MARK3: variants seen among roughly 807,000 people sequenced by gnomAD.
The protein encoded by MARK3 is MAP/microtubule affinity-regulating kinase 3.
In MARK3, 46 loss-of-function variants were observed where a neutral mutation model predicts 90.1. The observed-to-expected ratio is 0.51, with a 90% confidence interval of 0.40 to 0.65. The LOEUF is 0.65. Ranked by LOEUF, MARK3 falls within the 30% of genes least tolerant of loss-of-function variation. The pLI, the probability that MARK3 is intolerant of heterozygous loss-of-function variation, is 0.00. For missense variants in MARK3, 818 were observed against 947.2 expected (o/e 0.86, Z 1.79); for synonymous variants, 321 against 332.6 (o/e 0.97, Z 0.38).
In MARK3 at chr14:103,451,995, T is replaced by G. The variant is rs1280229326; in HGVS notation, c.412+12T>G. On this transcript the variant is annotated intron_variant, in intron 5 of 17. Transcript: ENST00000429436. ...ATATGCAAGTGGAGGTAAGAACATT[T>G]TTATATATATTGGGTTTTTTTTCTT... 3.8e-6 allele frequency: 6 copies of G among 1,579,260 alleles called. No individual in the cohort carries two copies. The highest frequency in any genetic ancestry group is 5.2e-6 in the Non-Finnish European group (6 of 1,151,756).
At chr14:103,465,118 C>A (rs1174847846) in intron 7 of MARK3, among the ~76,000 whole-genome samples, 2 of 152,082 alleles carry the variant, frequency 1.3e-5, no homozygotes, top group African/African-American at 4.8e-5. Context: ...CAGGTGTGTA[C>A]CACCACACCC....
At chr14:103,473,760 T>G (rs1045656590) in intron 12 of MARK3, among the ~76,000 whole-genome samples, 3 of 152,180 alleles carry the variant, frequency 2.0e-5, no homozygotes, top group African/African-American at 4.8e-5. Context: ...GTTCTCACTC[T>G]GTCACCCAAG....
chr14:103,468,449 T>C lies in MARK3; in HGVS notation c.1264+263T>C, dbSNP rs1389260366. Among the ~76,000 whole-genome samples, 6 of 149,418 alleles carry C rather than the reference T, an allele frequency of 4.0e-5. No individual in the cohort carries two copies. The East Asian group carries it at 1.2e-3, about 30-fold the overall frequency. ...AAGCGATTCTCCTGCCTCAGCCTCCTGAATAGCTGGGACTACAGGTGTGTA... is the reference window on the plus strand; with the variant it reads ...AAGCGATTCTCCTGCCTCAGCCTCCCGAATAGCTGGGACTACAGGTGTGTA... On this transcript the variant is annotated intron_variant, in intron 12 of 17. Coordinates refer to ENST00000429436, the MANE Select transcript of MARK3 (RefSeq NM_001128918.3).
intron 3 of MARK3, among the ~76,000 whole-genome samples, chr14:103,433,028 A>G (rs1348999619): frequency 6.6e-6 from 1 of 151,936 alleles, no homozygotes; most frequent in Non-Finnish European, 1.5e-5. Context: ...TTCTGTAAGG[A>G]TTAAAGCAGT....
intron 1 of MARK3, among the ~76,000 whole-genome samples, chr14:103,400,039 A>G (rs560804794): frequency 1.8e-4 from 27 of 151,496 alleles, no homozygotes; most frequent in African/African-American, 6.5e-4. Context: ...AGCGATTCTC[A>G]TGCCTCAGTC....
At chr14:103,465,088 C>T (rs1015862715) in intron 7 of MARK3, among the ~76,000 whole-genome samples, 1 of 152,166 alleles carries the variant, frequency 6.6e-6, no homozygotes, top group Admixed American at 6.5e-5. Flanking sequence ...CTGCCTCAGC[C>T]TCCTGAGTAG....
chr14:103,448,402 T>A (rs2093048451), intron 3 of MARK3, among the ~76,000 whole-genome samples: 1 of 152,184 alleles, frequency 6.6e-6, no homozygotes, highest in Non-Finnish European at 1.5e-5. Flanking sequence ...AATGTAATAG[T>A]CACCACAACC....
intron 13 of MARK3, 65 bp downstream of exon 13, chr14:103,475,275 T>A: frequency 7.3e-7 from 1 of 1,375,146 alleles, no homozygotes; most frequent in Non-Finnish European, 1.0e-6. Flanking sequence ...AGACACCAGG[T>A]GTTCATTTTA....
intron 2 of MARK3, chr14:103,412,517 TGGG>T (rs1566794480): frequency 1.9e-6 from 1 of 530,366 alleles, no homozygotes; most frequent in Admixed American, 2.9e-5. Flanking sequence ...AGTGTCCACT[TGGG>T]GGGATATCCG....
In MARK3 at chr14:103,475,018, G is replaced by A; in HGVS notation, c.1290G>A (p.Val430=). ...CTGGACCAGCTATTCCTTCTGTTGT[G>A]GCGTATCCGAAAAGGAGTCAGACCA... is the stretch of plus-strand genomic sequence containing the variant. ...DHAGPAIPSV[V]AYPKRSQTST... Residue 430 remains valine (V), a synonymous_variant, in exon 13 of 18, where the codon GTG becomes GTA. Transcript: ENST00000429436. 1.2e-6 allele frequency: 2 copies of A among 1,613,944 alleles called. No homozygotes were observed. The highest frequency in any genetic ancestry group is 1.7e-6 in the Non-Finnish European group (2 of 1,179,842).
intron 15 of MARK3, among the ~76,000 whole-genome samples, chr14:103,494,883 G>A (rs941748489): frequency 6.6e-6 from 1 of 151,992 alleles, no homozygotes; most frequent in Admixed American, 6.6e-5. Context: ...GTGATCCACC[G>A]CGCCCAGCCA....
intron 3 of MARK3, among the ~76,000 whole-genome samples, chr14:103,439,553 C>T (rs1055901851): frequency 2.6e-5 from 4 of 151,988 alleles, no homozygotes; most frequent in Non-Finnish European, 4.4e-5. Flanking sequence ...GGATTACAGG[C>T]GTGCGCCACC....
chr14:103,497,344 A>T (rs1279134003), intron 15 of MARK3, among the ~76,000 whole-genome samples: 1 of 152,256 alleles, frequency 6.6e-6, no homozygotes, highest in Non-Finnish European at 1.5e-5. Flanking sequence ...CATTCAGCAG[A>T]TATAGATGAC....
rs1429039502 is a variant in MARK3 at position 103,385,485 on chromosome 14, A to C, written c.-545A>C. 1 of 154,548 alleles carries C rather than the reference A, an allele frequency of 6.5e-6. No individual in the cohort carries two copies. Among genetic ancestry groups the C allele is most frequent in the Admixed American group, 6.5e-5 (1 of 15,290 alleles). 9.6% of individuals were successfully genotyped at this position (154,548 alleles called of 1,614,324 possible). On this transcript the variant is annotated 5_prime_UTR_variant, in exon 1 of 18. Transcript: ENST00000429436. ...CGGCCAGCAGGGCGGAGGCTGAGGCAGCAAGCTCGCTAGAGAGGGAGAAGC... is the reference window on the plus strand; with the variant it reads ...CGGCCAGCAGGGCGGAGGCTGAGGCCGCAAGCTCGCTAGAGAGGGAGAAGC...
intron 1 of MARK3, among the ~76,000 whole-genome samples, chr14:103,402,293 C>T (rs1264705919): frequency 6.6e-6 from 1 of 152,128 alleles, no homozygotes; most frequent in African/African-American, 2.4e-5. Flanking sequence ...TGGCTCATGC[C>T]TGTAATCCCA....
intron 12 of MARK3, among the ~76,000 whole-genome samples, chr14:103,473,001 C>T (rs1228989036): frequency 4.2e-5 from 6 of 142,540 alleles, no homozygotes; most frequent in Admixed American, 2.2e-4. Flanking sequence ...AGCGAGACTC[C>T]GTCTCGAAAA....
At chr14:103,471,508 T>C (rs1343209057) in intron 12 of MARK3, among the ~76,000 whole-genome samples, 1 of 152,184 alleles carries the variant, frequency 6.6e-6, no homozygotes, top group Non-Finnish European at 1.5e-5. Flanking sequence ...GGAGTAGCTT[T>C]TTCATAATCC....
intron 7 of MARK3, among the ~76,000 whole-genome samples, chr14:103,464,872 A>T (rs372545872): frequency 1.6e-4 from 24 of 151,618 alleles, no homozygotes; most frequent in South Asian, 8.3e-4. Flanking sequence ...AATTTTTAAA[A>T]ATCTTTTGTA....
At chr14:103,387,109 A>C (rs1346975422) in intron 1 of MARK3, among the ~76,000 whole-genome samples, 1 of 152,254 alleles carries the variant, frequency 6.6e-6, no homozygotes, top group African/African-American at 2.4e-5. Flanking sequence ...AATTGCTGGC[A>C]CGAAATGTCT....
Sources: gnomAD v4.1 joint callset for allele counts (sites outside exome capture counted in the v4.1 genomes callset) on GRCh38, gnomAD v4.1.1 for gene constraint, MANE v1.5 for transcripts, NCBI Gene and HGNC (gene_info 2026-07-23, HGNC 2026-07-21) for gene names.